Variants in WBP1L observed in about 807,000 individuals in gnomAD.
The protein encoded by WBP1L is WW domain binding protein 1-like.
In WBP1L, 17 loss-of-function variants were observed where a neutral mutation model predicts 33.7. The observed-to-expected ratio is 0.50, with a 90% CI of 0.34 to 0.76. The LOEUF (loss-of-function observed/expected upper bound fraction) is 0.76. Ranked by LOEUF, WBP1L falls within the 30% of genes least tolerant of loss-of-function variation. The pLI, the probability that WBP1L is intolerant of heterozygous loss-of-function variation, is 0.01. For missense variants in WBP1L, 389 were observed against 469.4 expected (o/e 0.83, Z 1.58); for synonymous variants, 173 against 190.8 (o/e 0.91, Z 0.77).
At chr10:102,746,213 T>G in intron 1 of WBP1L, 1 of 975,500 alleles carries the variant, frequency 1.0e-6, no homozygotes, top group Non-Finnish European at 1.2e-6. Context: ...AATGTTATAT[T>G]CTAATTGCAG....
At chr10:102,790,712 T>C (rs1484761038) in intron 1 of WBP1L, among the ~76,000 whole-genome samples, 2 of 151,934 alleles carry the variant, frequency 1.3e-5, no homozygotes, top group Non-Finnish European at 2.9e-5. Context: ...AGGATTTCAC[T>C]ATGTTGGCCA....
Position 102,755,030 on chromosome 10 carries a change from A to C in WBP1L, c.90+10887A>C, listed in dbSNP as rs376664948. ...ATTGGCACGACCTTGGCTCACTGCA[A>C]CCTCCGCCTCCTGGGTTCAAGCCAT... On this transcript the variant is annotated intron_variant, in intron 1 of 3. Coordinates refer to ENST00000448841, the MANE Select transcript of WBP1L (RefSeq NM_001083913.2). 3.6e-3 allele frequency among the ~76,000 whole-genome samples: 547 copies of C among 151,140 alleles called. 1 individual carries two copies. The highest frequency in any genetic ancestry group is 0.013 in the African/African-American group (520 of 41,150).
chr10:102,773,864 CAA>C (rs11362638), intron 1 of WBP1L, among the ~76,000 whole-genome samples: 38 of 142,206 alleles, frequency 2.7e-4, no homozygotes, highest in Middle Eastern at 7.1e-3. Flanking sequence ...AAAAACAAAA[CAA>C]AAAAAAAAAA....
At chr10:102,758,313 T>G (rs1323799017) in intron 1 of WBP1L, among the ~76,000 whole-genome samples, 1 of 152,216 alleles carries the variant, frequency 6.6e-6, no homozygotes, top group Non-Finnish European at 1.5e-5. Flanking sequence ...GCTATCTTAA[T>G]TTTAGACTAT....
chr10:102,795,324 G>A (rs1843559447), intron 1 of WBP1L, among the ~76,000 whole-genome samples: 1 of 152,182 alleles, frequency 6.6e-6, no homozygotes, highest in Non-Finnish European at 1.5e-5. Context: ...TTCAATTTAT[G>A]ATGGGTTTAC....
At chr10:102,781,799 C>G (rs1843340241) in intron 1 of WBP1L, among the ~76,000 whole-genome samples, 1 of 147,638 alleles carries the variant, frequency 6.8e-6, no homozygotes. Context: ...CACAGAACAC[C>G]TCATTTCCCT....
At chr10:102,790,066 A>G (rs1304883155) in intron 1 of WBP1L, among the ~76,000 whole-genome samples, 1 of 152,098 alleles carries the variant, frequency 6.6e-6, no homozygotes, top group Non-Finnish European at 1.5e-5. Flanking sequence ...TCAGTCTTAT[A>G]TAGAAAATTT....
At chr10:102,747,765 C>T (rs542258987) in intron 1 of WBP1L, among the ~76,000 whole-genome samples, 6 of 152,098 alleles carry the variant, frequency 3.9e-5, no homozygotes, top group Non-Finnish European at 8.8e-5. Context: ...TGGGCTCAAG[C>T]GATCTGCCCA....
chr10:102,764,202 C>T (rs1843080581), intron 1 of WBP1L, among the ~76,000 whole-genome samples: 1 of 152,214 alleles, frequency 6.6e-6, no homozygotes, highest in African/African-American at 2.4e-5. Context: ...GTGCCTCTCA[C>T]TGGTGAGGTC....
chr10:102,759,160 C>G (rs1843010171), intron 1 of WBP1L, among the ~76,000 whole-genome samples: 1 of 152,152 alleles, frequency 6.6e-6, no homozygotes. Flanking sequence ...AGGAGACTCC[C>G]TTTCGCGGTC....
chr10:102,797,261 C>T lies in WBP1L; in HGVS notation c.91-732C>T, dbSNP rs142763628. 3.5e-4 allele frequency among the ~76,000 whole-genome samples: 53 copies of T among 152,176 alleles called. 1 individual carries two copies. In the East Asian group the frequency reaches 9.8e-3, roughly 28 times the overall value. On this transcript the variant is annotated intron_variant, in intron 1 of 3. Transcript: ENST00000448841. ...CAGATGCTAATCCTAGAATACATAC[C>T]GCTTTAATTATTCCAGGAAGTTTCA...
intron 1 of WBP1L, among the ~76,000 whole-genome samples, chr10:102,790,843 C>T (rs184813538): frequency 1.3e-5 from 2 of 152,176 alleles, no homozygotes; most frequent in Non-Finnish European, 2.9e-5. Flanking sequence ...TCCTTTGTGC[C>T]GTGGCTGAGG....
In WBP1L at chr10:102,744,453, G is replaced by T. The variant is rs116004355; in HGVS notation, c.90+310G>T. The stretch of plus-strand genomic sequence containing the variant: ...CAAGCTGAGGATGTGGGCCTTATTC[G>T]TGTCCCTCTGTGGAGCAGGTGTCCC... On this transcript the variant is annotated intron_variant, in intron 1 of 3. Coordinates refer to ENST00000448841, the MANE Select transcript of WBP1L (RefSeq NM_001083913.2). 7.8e-4 allele frequency: 767 copies of T among 985,314 alleles called. 3 individuals carry two copies. The African/African-American group carries it at 0.013, about 16-fold the overall frequency. The allele number at this position is 985,314 out of a possible 1,614,324, so 61.0% of individuals were successfully genotyped here.
intron 2 of WBP1L, chr10:102,803,832 C>T (rs1843693932): frequency 1.3e-5 from 2 of 151,700 alleles, no homozygotes; most frequent in South Asian, 2.1e-4. Flanking sequence ...ATGGTCTCCT[C>T]GTGATTCGCC....
At chr10:102,799,430 G>A (rs1055147938) in intron 2 of WBP1L, among the ~76,000 whole-genome samples, 19 of 152,240 alleles carry the variant, frequency 1.2e-4, no homozygotes, top group South Asian at 4.1e-4. Context: ...CAGTGGTGAT[G>A]GTGTTAGGGT....
At chr10:102,801,463 C>T (rs1449161046) in intron 2 of WBP1L, among the ~76,000 whole-genome samples, 2 of 152,120 alleles carry the variant, frequency 1.3e-5, no homozygotes, top group African/African-American at 4.8e-5. Context: ...GTAACAAGTT[C>T]CTAGTTGATG....
chr10:102,755,683 G>A (rs11191387), intron 1 of WBP1L, among the ~76,000 whole-genome samples: 105,313 of 151,878 alleles, frequency 0.69, 36,742 homozygotes, highest in East Asian at 0.9. Flanking sequence ...GTGAGCCACT[G>A]TGCCCAGCCT....
chr10:102,761,908 C>T (rs960646035), intron 1 of WBP1L, among the ~76,000 whole-genome samples: 1 of 152,100 alleles, frequency 6.6e-6, no homozygotes, highest in East Asian at 1.9e-4. Flanking sequence ...AGTGCAGTGG[C>T]GTGATCACAG....
intron 2 of WBP1L, among the ~76,000 whole-genome samples, chr10:102,804,445 A>G (rs964140493): frequency 6.7e-6 from 1 of 150,038 alleles, no homozygotes; most frequent in Admixed American, 6.7e-5. Flanking sequence ...CTTCTGGTTC[A>G]GTGAATCTAG....
Sources: allele counts gnomAD v4.1 joint callset (sites outside exome capture counted in the v4.1 genomes callset), GRCh38; gene constraint gnomAD v4.1.1; transcripts MANE v1.5; gene names NCBI Gene and HGNC (gene_info 2026-07-23, HGNC 2026-07-21).